DOCK4: variants seen among roughly 807,000 people sequenced by gnomAD.
DOCK4 encodes dedicator of cytokinesis 4.
DOCK4 carries 97 observed loss-of-function variants against 268.1 expected under a neutral mutation model. That is an observed-to-expected ratio of 0.36 (90% CI 0.31 to 0.43). The LOEUF (loss-of-function observed/expected upper bound fraction) is 0.43, where lower values mean the gene tolerates loss of function less well. Among genes scored for constraint, DOCK4 ranks in the 20% least tolerant of loss-of-function variants. DOCK4 has a pLI of 1.00. For synonymous variants in DOCK4, 954 were observed against 887.2 expected (o/e 1.08, Z -1.34); for missense variants, 2,145 against 2,455.7 (o/e 0.87, Z 2.67).
At chr7:112,024,475 G>A (rs1289484099) in intron 1 of DOCK4, among the ~76,000 whole-genome samples, 2 of 152,206 alleles carry the variant, frequency 1.3e-5, no homozygotes, top group Middle Eastern at 3.4e-3. Flanking sequence ...CGGCTGCTCA[G>A]GCCAAAAGTC....
chr7:111,779,946 T>C (rs1798690114), intron 35 of DOCK4, among the ~76,000 whole-genome samples: 1 of 152,252 alleles, frequency 6.6e-6, no homozygotes, highest in East Asian at 1.9e-4. Flanking sequence ...ACTGTTTTAA[T>C]TGATGCTAGT....
chr7:111,988,576 A>G (rs976255435), intron 6 of DOCK4, among the ~76,000 whole-genome samples: 2 of 152,238 alleles, frequency 1.3e-5, no homozygotes, highest in African/African-American at 4.8e-5. Flanking sequence ...TGCACCTGTC[A>G]TAAGACTTTT....
intron 7 of DOCK4, among the ~76,000 whole-genome samples, chr7:111,981,843 C>G (rs1299318093): frequency 2.0e-5 from 3 of 152,160 alleles, no homozygotes; most frequent in Admixed American, 1.3e-4. Context: ...CTTAGCAACA[C>G]TGAACTCTAG....
At chr7:112,188,577 G>A (rs1819654976) in intron 1 of DOCK4, among the ~76,000 whole-genome samples, 1 of 152,158 alleles carries the variant, frequency 6.6e-6, no homozygotes, top group Non-Finnish European at 1.5e-5. Flanking sequence ...GTGCTGCATG[G>A]CATACGTGTC....
chr7:111,933,077 CACATATATATACGT>C (rs1794333778), intron 12 of DOCK4, among the ~76,000 whole-genome samples: 2 of 141,724 alleles, frequency 1.4e-5, no homozygotes, highest in African/African-American at 5.3e-5. Flanking sequence ...CATATATATA[CACATATATATACGT>C]ATATACACAT....
chr7:112,114,337 C>G (rs577123749), intron 1 of DOCK4, among the ~76,000 whole-genome samples: 91 of 152,246 alleles, frequency 6.0e-4, no homozygotes, highest in Non-Finnish European at 9.8e-4. Flanking sequence ...CTGTTATGTT[C>G]TCAGTGGCAG....
At chr7:111,757,172 G>T (rs1797078311) in intron 41 of DOCK4, among the ~76,000 whole-genome samples, 1 of 152,032 alleles carries the variant, frequency 6.6e-6, no homozygotes, top group Non-Finnish European at 1.5e-5. Flanking sequence ...GGCTTCTGGA[G>T]GGCAGTTTGG....
Position 112,058,024 on chromosome 7 carries a change from A to ATTT in DOCK4, c.38-53896_38-53894dup, listed in dbSNP as rs67991598. Among the ~76,000 whole-genome samples the ATTT allele has an allele frequency of 2.1e-3, 241 of 115,032 alleles. 4 individuals are homozygous for ATTT. Among genetic ancestry groups the ATTT allele is most frequent in the African/African-American group, 7.1e-3 (221 of 31,288 alleles). The allele number at this position is 115,032 out of a possible 152,430, so 75.5% of individuals were successfully genotyped here. Reference sequence around the variant, plus strand: ...TACACATTTTGGAAGTACAGGTTCAATTTTTTTTTTTTTTTTTTTTTTTTT... The same window carrying ATTT: ...TACACATTTTGGAAGTACAGGTTCAATTTTTTTTTTTTTTTTTTTTTTTTTTTT... On this transcript the variant is annotated intron_variant, in intron 1 of 52. Coordinates refer to ENST00000428084, the MANE Select transcript of DOCK4 (RefSeq NM_001363540.2).
chr7:111,949,246 G>T (rs1272468315), intron 8 of DOCK4, among the ~76,000 whole-genome samples: 2 of 152,134 alleles, frequency 1.3e-5, no homozygotes, highest in African/African-American at 4.8e-5. Flanking sequence ...AGTCTAAAAA[G>T]ATGGACACCA....
At chr7:111,910,051 G>C (rs548773029) in intron 13 of DOCK4, among the ~76,000 whole-genome samples, 9 of 151,960 alleles carry the variant, frequency 5.9e-5, no homozygotes, top group African/African-American at 2.2e-4. Context: ...ATGTATAAAT[G>C]ATGGGTTCCC....
In DOCK4 at chr7:111,747,375, CAG is replaced by C. The variant is rs1796346060; in HGVS notation, c.4483_4484del (p.Leu1495AspfsTer2). On this transcript the variant is annotated frameshift_variant, in exon 43 of 53. Transcript: ENST00000428084. LOFTEE classifies it high-confidence loss of function. Reference sequence around the variant, plus strand: ...TCTGTCTTGTCTGACACTGACTAATCAGAGTCTTCAGCTGCTGATTCTTATTT... The same window carrying C: ...TCTGTCTTGTCTGACACTGACTAATCAGTCTTCAGCTGCTGATTCTTATTT... ...LENKNQQLKT[L>X]ISQCQTRQMQ... is the part of the protein sequence containing the mutation. The C allele has an allele frequency of 1.9e-6, 3 of 1,613,034 alleles. No individual in the cohort carries two copies. The highest frequency in any genetic ancestry group is 2.5e-6 in the Non-Finnish European group (3 of 1,179,550).
chr7:111,809,258 T>C (rs1427242879), intron 29 of DOCK4, 43 bp downstream of exon 29: 11 of 1,428,538 alleles, frequency 7.7e-6, no homozygotes, highest in Non-Finnish European at 1.1e-5. Flanking sequence ...TAAATACTCT[T>C]TAAGAGGCAA....
In DOCK4 at chr7:112,206,199, A is replaced by G; in HGVS notation, c.-61T>C. On this transcript the variant is annotated 5_prime_UTR_variant, in exon 1 of 53. Coordinates refer to ENST00000428084, the MANE Select transcript of DOCK4 (RefSeq NM_001363540.2). ...TCCCCGCGCCCCTTCTCCGGCTCAC[A>G]ACAATGCACAGTCCCCGAGCAGCGC... 3 of 1,515,474 alleles carry G rather than the reference A, an allele frequency of 2.0e-6. No homozygotes were observed. Among genetic ancestry groups the G allele is most frequent in the Non-Finnish European group, 2.7e-6 (3 of 1,114,096 alleles). The allele number at this position is 1,515,474 out of a possible 1,614,324, so 93.9% of individuals were successfully genotyped here. A position where few individuals can be genotyped will look rare whatever the true frequency, so the allele number is the denominator to read the frequency against.
At chr7:112,011,248 C>G (rs1801271444) in intron 1 of DOCK4, among the ~76,000 whole-genome samples, 1 of 152,190 alleles carries the variant, frequency 6.6e-6, no homozygotes, top group Non-Finnish European at 1.5e-5. Context: ...TGCTTCCTTC[C>G]TCGTCACTGC....
chr7:111,771,981 G>T (rs1413146927), intron 36 of DOCK4, among the ~76,000 whole-genome samples: 1 of 152,218 alleles, frequency 6.6e-6, no homozygotes, highest in Non-Finnish European at 1.5e-5. Context: ...TCATTTCGAA[G>T]AATTAGGAAG....
Position 111,834,695 on chromosome 7 carries a change from A to T in DOCK4, c.2737-9T>A. On this transcript the variant is annotated splice_polypyrimidine_tract_variant and intron_variant, in intron 25 of 52. Transcript: ENST00000428084. ...CAAGCAACAAACTCCCCCTAAGTTA[A>T]AAAAAAAAAAAGCATACATTTTATT... The T allele has an allele frequency of 2.3e-6, 2 of 876,852 alleles. No homozygotes were observed. The highest frequency in any genetic ancestry group is 5.3e-5 in the East Asian group (1 of 18,926). 54.3% of individuals were successfully genotyped at this position (876,852 alleles called of 1,614,324 possible). A position where few individuals can be genotyped will look rare whatever the true frequency, so the allele number is the denominator to read the frequency against.
chr7:111,998,376 T>A, intron 4 of DOCK4, 72 bp downstream of exon 4: 1 of 1,184,416 alleles, frequency 8.4e-7, no homozygotes, highest in Non-Finnish European at 1.2e-6. Context: ...ACAATTACTA[T>A]GCCTTTCAAA....
At chr7:111,751,959 T>C (rs186008737) in intron 42 of DOCK4, among the ~76,000 whole-genome samples, 157 of 152,222 alleles carry the variant, frequency 1.0e-3, no homozygotes, top group African/African-American at 3.6e-3. Context: ...GGTGTCTTAC[T>C]ACATTGCCCA....
intron 52 of DOCK4, among the ~76,000 whole-genome samples, chr7:111,730,669 T>A (rs992963051): frequency 6.6e-6 from 1 of 151,956 alleles, no homozygotes; most frequent in Non-Finnish European, 1.5e-5. Context: ...TAAACTCTTA[T>A]CAGTTAAGGC....
Sources: allele counts gnomAD v4.1 joint callset (sites outside exome capture counted in the v4.1 genomes callset), GRCh38; gene constraint gnomAD v4.1.1; transcripts MANE v1.5; gene names NCBI Gene and HGNC (gene_info 2026-07-23, HGNC 2026-07-21).